The following UGT1A6 variants were observed in gnomAD, a reference collection of about 807,000 sequenced individuals.
The protein encoded by UGT1A6 is UDP glucuronosyltransferase family 1 member A6, also known as UDP-glucuronosyltransferase 1A6.
In UGT1A6, 32 loss-of-function variants were observed where a neutral mutation model predicts 44.4. The observed-to-expected ratio is 0.72, with a 90% CI of 0.54 to 0.97. The LOEUF (loss-of-function observed/expected upper bound fraction) is 0.97, where lower values mean the gene tolerates loss of function less well. Ranked by LOEUF, UGT1A6 falls within the 50% of genes least tolerant of loss-of-function variation. The pLI, the probability that UGT1A6 is intolerant of heterozygous loss-of-function variation, is 0.00. For missense variants in UGT1A6, 685 were observed against 661.9 expected (o/e 1.03, Z -0.38); for synonymous variants, 238 against 248.5 (o/e 0.96, Z 0.40).
intron 1 of UGT1A6, among the ~76,000 whole-genome samples, chr2:233,709,126 C>T (rs1018411763): frequency 5.3e-5 from 8 of 152,124 alleles, no homozygotes; most frequent in Non-Finnish European, 1.2e-4. Context: ...ATCATGGTGG[C>T]CAAGGGGATG....
Position 233,728,007 on chromosome 2 carries a change from C to A in UGT1A6, c.861+34142C>A, listed in dbSNP as rs149726573. ...GGCATCAGCAATCTTGTGAGCACAG[C>A]ACATGTGGGAGTGACTTTCTGGAGT... On this transcript the variant is annotated intron_variant, in intron 1 of 4. Transcript: ENST00000305139. Among the ~76,000 whole-genome samples the A allele has an allele frequency of 4.5e-3, 686 of 152,336 alleles. 5 individuals carry two copies. Among genetic ancestry groups the A allele is most frequent in the African/African-American group, 0.016 (647 of 41,580 alleles).
Position 233,693,543 on chromosome 2 carries a change from A to G in UGT1A6, c.539A>G (p.His180Arg), listed in dbSNP as rs1029144011. 1.9e-6 allele frequency: 3 copies of G among 1,614,186 alleles called. No individual in the cohort carries two copies. The African/African-American group carries it at 4.0e-5, about 22-fold the overall frequency. The change falls in exon 1 of 5, where the codon CAT becomes CGT. Residue 180 changes from histidine to arginine, a missense_variant. Transcript: ENST00000305139. ...AGGGGTTTTCCGTGTTCCCTGGAGC[A>G]TACATTCAGCAGAAGCCCAGACCCT... ...LFRGFPCSLE[H>R]TFSRSPDPVS...
rs371639452 is a variant in UGT1A6 at position 233,765,570 on chromosome 2, C to T, written c.862-1464C>T. 3.9e-5 allele frequency among the ~76,000 whole-genome samples: 6 copies of T among 151,906 alleles called. No individual in the cohort carries two copies. In the South Asian group the frequency reaches 1.0e-3, roughly 26 times the overall value. ...GAGTTGAACAGTGAGAATGCGTAGACGCAGGGAGGGGAACAACACACACCA... is the reference window on the plus strand; with the variant it reads ...GAGTTGAACAGTGAGAATGCGTAGATGCAGGGAGGGGAACAACACACACCA... On this transcript the variant is annotated intron_variant, in intron 1 of 4. Coordinates refer to ENST00000305139, the MANE Select transcript of UGT1A6 (RefSeq NM_001072.4).
In UGT1A6 at chr2:233,755,161, CG is replaced by C. The variant is rs146856809; in HGVS notation, c.862-11869del. The stretch of plus-strand genomic sequence containing the variant: ...CTTCTCACCGCTTCCTCCCTGTCCT[CG>C]GGGTTTTTGTCGGGGTGCCACTTGA... On this transcript the variant is annotated intron_variant, in intron 1 of 4. Transcript: ENST00000305139. 2.3e-3 allele frequency: 2,947 copies of C among 1,292,234 alleles called. 56 individuals carry two copies. The African/African-American group carries it at 0.041, about 18-fold the overall frequency. The allele number at this position is 1,292,234 out of a possible 1,614,324, so 80.0% of individuals were successfully genotyped here.
chr2:233,707,844 T>G lies in UGT1A6; in HGVS notation c.861+13979T>G, dbSNP rs544627573. Among the ~76,000 whole-genome samples, 5 of 152,318 alleles carry G rather than the reference T, an allele frequency of 3.3e-5. No individual in the cohort carries two copies. In the South Asian group the frequency reaches 6.2e-4, roughly 19 times the overall value. ...TCATTAATTTAATAAGATGTAACTA[T>G]TTTTCAGAGTGGTTGTACATATCCC... On this transcript the variant is annotated intron_variant, in intron 1 of 4. Transcript: ENST00000305139.
rs1692213854 is a variant in UGT1A6 at position 233,743,141 on chromosome 2, AG to A, written c.862-23892del. Reference sequence around the variant, plus strand: ...AAAGTTCACTTTCAATCCTAAAAAAAGTCCGCTATTCCTCCAGATGTGCTTA... The same window carrying A: ...AAAGTTCACTTTCAATCCTAAAAAAATCCGCTATTCCTCCAGATGTGCTTA... On this transcript the variant is annotated intron_variant, in intron 1 of 4. Transcript: ENST00000305139. The A allele has an allele frequency of 1.1e-5, 4 of 356,900 alleles. No individual in the cohort carries two copies. The Admixed American group carries it at 1.1e-4, about 10-fold the overall frequency. The allele number at this position is 356,900 out of a possible 1,614,324, so 22.1% of individuals were successfully genotyped here.
intron 1 of UGT1A6, chr2:233,740,664 A>G (rs1345559084): frequency 6.6e-6 from 1 of 151,798 alleles, no homozygotes; most frequent in East Asian, 1.9e-4. Context: ...GTGAGAAGGT[A>G]CAGGTGTTTC....
intron 1 of UGT1A6, among the ~76,000 whole-genome samples, chr2:233,699,126 T>C (rs868039744): frequency 2.0e-5 from 3 of 152,228 alleles, no homozygotes; most frequent in Admixed American, 6.5e-5. Context: ...GTTCTACTTA[T>C]GTCAGATTCT....
intron 1 of UGT1A6, among the ~76,000 whole-genome samples, chr2:233,716,976 C>T (rs1875263): frequency 0.42 from 64,188 of 151,992 alleles, 14,717 homozygotes; most frequent in African/African-American, 0.61. Context: ...TCTCCCTCCC[C>T]ACAGTCCTGC....
At chr2:233,729,744 A>T (rs2077917790) in intron 1 of UGT1A6, 3 of 1,613,828 alleles carry the variant, frequency 1.9e-6, no homozygotes, top group African/African-American at 1.3e-5. Context: ...ACCACATGAC[A>T]TTCATGCAAA....
At chr2:233,753,747 C>G (rs1162212818) in intron 1 of UGT1A6, 1 of 152,226 alleles carries the variant, frequency 6.6e-6, no homozygotes, top group Non-Finnish European at 1.5e-5. Context: ...AGCAATAGGA[C>G]AGTTTTGCGT....
intron 1 of UGT1A6, among the ~76,000 whole-genome samples, chr2:233,725,098 A>G (rs1201053871): frequency 1.4e-5 from 2 of 143,348 alleles, no homozygotes; most frequent in Non-Finnish European, 3.0e-5. Context: ...GAGGCAGGAG[A>G]ATCAGGCAGG....
chr2:233,729,599 C>G (rs61764030), intron 1 of UGT1A6: 161 of 1,613,870 alleles, frequency 1.0e-4, no homozygotes, highest in Admixed American at 2.2e-4. Flanking sequence ...AACCTCTGCG[C>G]GGCAGTGCTG....
intron 1 of UGT1A6, chr2:233,747,837 C>A: frequency 1.9e-6 from 3 of 1,613,500 alleles, no homozygotes; most frequent in African/African-American, 1.3e-5. Flanking sequence ...GACATTCCTG[C>A]AAAGGGTCAA....
At chr2:233,757,414 C>T (rs1409954571) in intron 1 of UGT1A6, among the ~76,000 whole-genome samples, 3 of 151,192 alleles carry the variant, frequency 2.0e-5, no homozygotes, top group East Asian at 2.0e-4. Context: ...GGGTCTAGAA[C>T]GAAAAGAGAA....
intron 1 of UGT1A6, among the ~76,000 whole-genome samples, chr2:233,756,899 G>C (rs917423369): frequency 1.6e-4 from 25 of 152,034 alleles, no homozygotes; most frequent in African/African-American, 5.8e-4. Context: ...TATCTCACCA[G>C]AACAAACTTC....
At chr2:233,717,497 T>A (rs2076580358) in intron 1 of UGT1A6, among the ~76,000 whole-genome samples, 1 of 152,206 alleles carries the variant, frequency 6.6e-6, no homozygotes, top group Admixed American at 6.5e-5. Flanking sequence ...GTTATCAATG[T>A]GGATTTCTAA....
chr2:233,692,939 C>T lies in UGT1A6; in HGVS notation c.-66C>T. The T allele has an allele frequency of 1.3e-6, 2 of 1,593,498 alleles. No homozygotes were observed. The highest frequency in any genetic ancestry group is 1.7e-6 in the Non-Finnish European group (2 of 1,172,240). ...GCAGTGGTTAGTTTAGGGAAAATAC[C>T]TAGGAGCCCTGTGATTTGGAGAGTG... On this transcript the variant is annotated 5_prime_UTR_variant, in exon 1 of 5. Transcript: ENST00000305139.
At position 233,693,100 on chromosome 2, in the gene UGT1A6, C is replaced by A. The variant is rs1292200749; in HGVS notation, c.96C>A (p.Val32=). The change falls in exon 1 of 5, where the codon GTC becomes GTA. Residue 32 remains valine, a synonymous_variant. Coordinates refer to ENST00000305139, the MANE Select transcript of UGT1A6 (RefSeq NM_001072.4). ...TTGTAGGTGACAAGCTGCTGGTGGT[C>A]CCTCAGGACGGAAGCCACTGGCTTA... ...GMVVGDKLLV[V]PQDGSHWLSM... is the part of the protein sequence containing the mutation. 1.2e-6 allele frequency: 2 copies of A among 1,614,114 alleles called. No individual in the cohort carries two copies. Among genetic ancestry groups the A allele is most frequent in the Non-Finnish European group, 8.5e-7 (1 of 1,180,022 alleles).
Sources: allele counts gnomAD v4.1 joint callset (sites outside exome capture counted in the v4.1 genomes callset), GRCh38; gene constraint gnomAD v4.1.1; transcripts MANE v1.5; gene names NCBI Gene and HGNC (gene_info 2026-07-23, HGNC 2026-07-21).